Variants in FBN2 observed in about 807,000 individuals in gnomAD.
The protein encoded by FBN2 is fibrillin 2, also known as fibrillin-2.
A neutral mutation model predicts 355.6 loss-of-function variants in FBN2; 105 were observed. The observed-to-expected ratio is 0.30, with a 90% CI of 0.25 to 0.35. FBN2 has a LOEUF of 0.35. FBN2 is among the 10% of genes least tolerant of loss of function. The probability of loss-of-function intolerance (pLI) is 1.00; values close to 1 mark genes in which losing one functional copy is unlikely to be tolerated. For missense variants in FBN2, 3,280 were observed against 3,758.7 expected, an observed-to-expected ratio of 0.87 and a Z score of 3.33; for synonymous variants, 1,350 against 1,301.2, an observed-to-expected ratio of 1.04 and a Z score of -0.81.
chr5:128,318,035 T>C (rs975187033), intron 36 of FBN2, 114 bp downstream of exon 36: 17 of 1,108,200 alleles, frequency 1.5e-5, no homozygotes, highest in Non-Finnish European at 2.2e-5. Context: ...GGCGACCACA[T>C]AATGTTTTGT....
In FBN2 at chr5:128,305,587, G is replaced by T; in HGVS notation, c.5598C>A (p.Asp1866Glu). The T allele has an allele frequency of 6.2e-7, 1 of 1,613,818 alleles. No individual in the cohort carries two copies. Among genetic ancestry groups the T allele is most frequent in the Non-Finnish European group, 8.5e-7 (1 of 1,179,806 alleles). The part of the protein sequence containing the change: ...NGDNLCQRNA[D>E]CINSPGSYRC... ...GGTAACTACCAGGACTATTGATGCA[G>T]TCTGCATTCCGCTGGCAGAGATTAT... Residue 1866 changes from aspartate (D) to glutamate (E), a missense_variant, in exon 44 of 65, where the codon GAC becomes GAA. Transcript: ENST00000262464.
chr5:128,412,633 G>T (rs1335224259), intron 7 of FBN2, among the ~76,000 whole-genome samples: 1 of 152,220 alleles, frequency 6.6e-6, no homozygotes, highest in Non-Finnish European at 1.5e-5. Flanking sequence ...ATACACCACA[G>T]TTGAAGAATG....
In FBN2 at chr5:128,304,984, C is replaced by A; in HGVS notation, c.5773G>T (p.Ala1925Ser). 1.2e-6 allele frequency: 2 copies of A among 1,613,978 alleles called. No individual in the cohort carries two copies. The highest frequency in any genetic ancestry group is 1.7e-6 in the Non-Finnish European group (2 of 1,179,970). The stretch of plus-strand genomic sequence containing the variant: ...ATGCACATGGTCTGGTCCTGAGAAG[C>A]CTTAAAGCCATTGTGGCAGATGCAC... ...YQCICHNGFK[A>S]SQDQTMCMDV... Residue 1925 changes from alanine (A) to serine (S), a missense_variant, in exon 45 of 65, where the codon GCT becomes TCT. Coordinates refer to ENST00000262464, the MANE Select transcript of FBN2 (RefSeq NM_001999.4).
At chr5:128,503,465 T>C (rs1458211959) in intron 5 of FBN2, among the ~76,000 whole-genome samples, 1 of 152,042 alleles carries the variant, frequency 6.6e-6, no homozygotes, top group African/African-American at 2.4e-5. Context: ...GTGGGAAAGT[T>C]TGGAACTTCC....
At chr5:128,478,297 A>G (rs1055777408) in intron 5 of FBN2, among the ~76,000 whole-genome samples, 3 of 152,230 alleles carry the variant, frequency 2.0e-5, no homozygotes, top group Non-Finnish European at 2.9e-5. Flanking sequence ...AAAAGTTCCA[A>G]TATAATCTGC....
intron 31 of FBN2, among the ~76,000 whole-genome samples, chr5:128,333,727 T>A (rs1481920130): frequency 6.6e-6 from 1 of 151,486 alleles, no homozygotes; most frequent in Non-Finnish European, 1.5e-5. Context: ...CACACACATA[T>A]CCCTATATAT....
intron 6 of FBN2, among the ~76,000 whole-genome samples, chr5:128,457,608 G>C (rs1166668120): frequency 6.6e-6 from 1 of 152,182 alleles, no homozygotes; most frequent in Non-Finnish European, 1.5e-5. Flanking sequence ...GGACCTCTCA[G>C]CAGAAACTCT....
intron 24 of FBN2, 59 bp downstream of exon 24, chr5:128,345,298 G>C (rs1397472982): frequency 1.5e-5 from 20 of 1,349,352 alleles, no homozygotes; most frequent in Non-Finnish European, 1.9e-5. Flanking sequence ...AATTCTCAGA[G>C]AATGTGGAAG....
intron 37 of FBN2, 39 bp downstream of exon 37, chr5:128,312,595 C>A: frequency 6.2e-7 from 1 of 1,609,726 alleles, no homozygotes; most frequent in Non-Finnish European, 8.5e-7. Flanking sequence ...TCTTTAGATA[C>A]CAGTTGGTTT....
intron 45 of FBN2, among the ~76,000 whole-genome samples, chr5:128,303,820 T>A (rs547193761): frequency 7.9e-5 from 12 of 152,324 alleles, no homozygotes; most frequent in African/African-American, 2.9e-4. Flanking sequence ...AAATTCTGAA[T>A]CATAAATCTC....
At chr5:128,340,782 G>A (rs1750992919) in intron 25 of FBN2, among the ~76,000 whole-genome samples, 1 of 151,944 alleles carries the variant, frequency 6.6e-6, no homozygotes, top group South Asian at 2.1e-4. Context: ...AACAGTGCCT[G>A]TCTCATAGAA....
chr5:128,375,838 C>G (rs1248024412), intron 14 of FBN2, among the ~76,000 whole-genome samples: 1 of 151,868 alleles, frequency 6.6e-6, no homozygotes, highest in African/African-American at 2.4e-5. Context: ...GAGTTTGAGA[C>G]CAGCCTGAGC....
In FBN2 at chr5:128,335,243, G is replaced by T. The variant is rs754193286; in HGVS notation, c.3900C>A (p.Thr1300=). The change falls in exon 30 of 65, where the codon ACC becomes ACA. Residue 1300 remains threonine (T), a synonymous_variant. Transcript: ENST00000262464. ...GGCAGCGATACTCTCCAGGAATGTT[G>T]GTACACTGGCCGCCATCACAGATAT... The part of the protein sequence containing the change: ...NPDICDGGQC[T]NIPGEYRCLC... 4 of 1,613,882 alleles carry T rather than the reference G, an allele frequency of 2.5e-6. No homozygotes were observed. Among genetic ancestry groups the T allele is most frequent in the East Asian group, 4.5e-5 (2 of 44,884 alleles).
intron 48 of FBN2, among the ~76,000 whole-genome samples, chr5:128,298,564 C>T (rs1382540896): frequency 6.6e-6 from 1 of 152,200 alleles, no homozygotes; most frequent in South Asian, 2.1e-4. Flanking sequence ...CTAAACTTCC[C>T]TTCTCACTTC....
At chr5:128,479,972 CTCTCTATATATATATATA>C (rs1237403124) in intron 5 of FBN2, among the ~76,000 whole-genome samples, 198 of 20,426 alleles carry the variant, frequency 9.7e-3, no homozygotes, top group African/African-American at 0.022. Context: ...CTCTCTCTCT[CTCTCTATATATATATATA>C]TATATATATA....
intron 10 of FBN2, among the ~76,000 whole-genome samples, chr5:128,392,844 CAT>C (rs1190241124): frequency 6.6e-6 from 1 of 152,134 alleles, no homozygotes; most frequent in African/African-American, 2.4e-5. Flanking sequence ...ACTGGGCTCT[CAT>C]ATGTATTTGC....
rs1435587821 is a variant in FBN2 at position 128,289,931 on chromosome 5, C to T, written c.6462G>A (p.Leu2154=). Residue 2154 remains leucine, a synonymous_variant, in exon 51 of 65, where the codon TTG becomes TTA. Transcript: ENST00000262464. ...PKDDEVAFQD[L]CPYGHGTVPS... is the part of the protein sequence containing the mutation. ...GGACAGTTCCATGGCCATATGGACA[C>T]AAATCCTGAAATGCAACTACAAAGA... The T allele has an allele frequency of 1.9e-6, 3 of 1,602,148 alleles. No homozygotes were observed. Among genetic ancestry groups the T allele is most frequent in the Admixed American group, 1.7e-5 (1 of 59,972 alleles).
intron 36 of FBN2, among the ~76,000 whole-genome samples, chr5:128,316,046 T>C (rs939538686): frequency 3.3e-5 from 5 of 152,210 alleles, no homozygotes; most frequent in Non-Finnish European, 1.5e-5. Context: ...CCAAAAATTA[T>C]GGCCAGTAAG....
At chr5:128,276,251 T>A in intron 58 of FBN2, 91 bp from the exon 59 acceptor site, 1 of 1,392,962 alleles carries the variant, frequency 7.2e-7, no homozygotes, top group Non-Finnish European at 1.0e-6. Flanking sequence ...ATTCTTTTTG[T>A]TTTTCCTGTT....
Sources: allele counts gnomAD v4.1 joint callset (sites outside exome capture counted in the v4.1 genomes callset), GRCh38; gene constraint gnomAD v4.1.1; transcripts MANE v1.5; gene names NCBI Gene and HGNC (gene_info 2026-07-23, HGNC 2026-07-21).